The following TRAK1 variants were observed in gnomAD, a reference collection of about 807,000 sequenced individuals.
TRAK1 encodes trafficking kinesin protein 1.
A neutral mutation model predicts 92.1 loss-of-function variants in TRAK1; 33 were observed. That is an observed-to-expected ratio of 0.36 (90% CI 0.27 to 0.48). The LOEUF (loss-of-function observed/expected upper bound fraction) is 0.48. TRAK1 is among the 20% of genes least tolerant of loss of function. TRAK1 has a pLI of 0.99. For missense variants in TRAK1, 1,123 were observed against 1,257.9 expected (o/e 0.89, Z 1.62); for synonymous variants, 521 against 517.3 (o/e 1.01, Z -0.10).
At chr3:42,215,192 C>T (rs1467545221) in intron 14 of TRAK1, among the ~76,000 whole-genome samples, 1 of 152,196 alleles carries the variant, frequency 6.6e-6, no homozygotes, top group Non-Finnish European at 1.5e-5. Flanking sequence ...TTTAGAGCAT[C>T]TTCCATGCCC....
intron 1 of TRAK1, among the ~76,000 whole-genome samples, chr3:42,066,050 G>T (rs570405895): frequency 6.6e-6 from 1 of 152,298 alleles, no homozygotes; most frequent in African/African-American, 2.4e-5. Flanking sequence ...TTGAGGCTGG[G>T]TCCAGTGGCT....
At chr3:42,055,565 C>T (rs1341087510) in intron 1 of TRAK1, among the ~76,000 whole-genome samples, 1 of 152,208 alleles carries the variant, frequency 6.6e-6, no homozygotes, top group African/African-American at 2.4e-5. Context: ...TGGGCCCAGG[C>T]AATCCTCCCA....
intron 1 of TRAK1, among the ~76,000 whole-genome samples, chr3:42,112,380 A>G (rs1708551183): frequency 6.7e-6 from 1 of 148,786 alleles, no homozygotes. Flanking sequence ...GTGAGCCGAG[A>G]TTGCACCACT....
At chr3:42,148,789 C>G (rs1406161329) in intron 2 of TRAK1, among the ~76,000 whole-genome samples, 1 of 152,120 alleles carries the variant, frequency 6.6e-6, no homozygotes, top group Non-Finnish European at 1.5e-5. Flanking sequence ...TTTACATTTC[C>G]TTTAAGTGGT....
upstream of TRAK1, among the ~76,000 whole-genome samples, chr3:42,082,677 C>A (rs1435337159): frequency 6.6e-6 from 1 of 151,228 alleles, no homozygotes; most frequent in African/African-American, 2.4e-5. Flanking sequence ...ACACAAAAAA[C>A]CAAAATCATA....
At chr3:42,212,165 A>G (rs1337486450) in intron 14 of TRAK1, 1 of 985,446 alleles carries the variant, frequency 1.0e-6, no homozygotes, top group Non-Finnish European at 1.2e-6. Context: ...GCCTGCAATC[A>G]TGGAGACACA....
upstream of TRAK1, among the ~76,000 whole-genome samples, chr3:42,085,089 CATTTCAG>C (rs1444931456): frequency 6.6e-6 from 1 of 152,042 alleles, no homozygotes; most frequent in African/African-American, 2.4e-5. Context: ...CTCATTGGAG[CATTTCAG>C]ATTTCAGATT....
At position 42,063,852 on chromosome 3, in the gene TRAK1, G is replaced by A. The variant is rs531044025; in HGVS notation, c.-518-23252G>A. ...CTGTAACCTTTCCCCTTGAATCTGC[G>A]TTGGCCCGGTGATGTATTTTGACCA... On this transcript the variant is annotated intron_variant, in intron 1 of 16. Coordinates refer to the TRAK1 transcript ENST00000487159. Among the ~76,000 whole-genome samples, 30 of 152,262 alleles carry A rather than the reference G, an allele frequency of 2.0e-4. No homozygotes were observed. In the East Asian group the frequency reaches 2.1e-3, roughly 11 times the overall value.
At chr3:42,043,616 G>GGC (rs1491345809) in intron 1 of TRAK1, among the ~76,000 whole-genome samples, 1 of 109,736 alleles carries the variant, frequency 9.1e-6, no homozygotes, top group African/African-American at 3.8e-5. Flanking sequence ...CCATGGAGCT[G>GGC]GGGGGGGGGC....
chr3:42,076,428 G>A (rs1704163309), intron 1 of TRAK1, among the ~76,000 whole-genome samples: 1 of 151,604 alleles, frequency 6.6e-6, no homozygotes, highest in African/African-American at 2.4e-5. Flanking sequence ...GTTTCACCAT[G>A]TTGGCCAGGC....
At chr3:42,101,414 A>C (rs758738135) in intron 1 of TRAK1, among the ~76,000 whole-genome samples, 5 of 152,248 alleles carry the variant, frequency 3.3e-5, no homozygotes, top group Non-Finnish European at 7.3e-5. Flanking sequence ...CTTAGGTGAC[A>C]GGAGTGGCAC....
intron 13 of TRAK1, chr3:42,204,043 A>C: frequency 1.0e-6 from 1 of 984,956 alleles, no homozygotes; most frequent in Non-Finnish European, 1.2e-6. Flanking sequence ...TATTATTTTA[A>C]AATTGTATAA....
chr3:42,072,838 A>T (rs1374098532), intron 1 of TRAK1, among the ~76,000 whole-genome samples: 1 of 152,168 alleles, frequency 6.6e-6, no homozygotes, highest in Non-Finnish European at 1.5e-5. Context: ...CTGGAACTAA[A>T]TTGGGTCAGA....
intron 14 of TRAK1, chr3:42,211,611 A>C: frequency 1.0e-6 from 1 of 985,370 alleles, no homozygotes; most frequent in Non-Finnish European, 1.2e-6. Flanking sequence ...TTACAGGTAG[A>C]ATAGAAGGTG....
In TRAK1 at chr3:42,202,011, A is replaced by G. The variant is rs1707700303; in HGVS notation, c.1428-425A>G. On this transcript the variant is annotated intron_variant, in intron 12 of 15. Transcript: ENST00000327628. This position sits in a 1 kb window ranked among gnomAD's most constrained non-coding sequence, Gnocchi z 6.1. ...GACCAGTTGGAACAGACAGACAGGA[A>G]GCTCCTTGATCAGAGCAGGTTTTGT... Among the ~76,000 whole-genome samples, 1 of 152,096 alleles carries G rather than the reference A, an allele frequency of 6.6e-6. No individual in the cohort carries two copies. Among genetic ancestry groups the G allele is most frequent in the Admixed American group, 6.5e-5 (1 of 15,272 alleles).
intron 11 of TRAK1, among the ~76,000 whole-genome samples, chr3:42,199,849 C>CT (rs1232185451): frequency 6.6e-6 from 1 of 152,240 alleles, no homozygotes; most frequent in Non-Finnish European, 1.5e-5. Flanking sequence ...TTTCCCATCT[C>CT]TCTTAACACA....
chr3:42,206,149 T>A (rs1708310322), intron 13 of TRAK1, among the ~76,000 whole-genome samples: 1 of 152,212 alleles, frequency 6.6e-6, no homozygotes, highest in South Asian at 2.1e-4. Context: ...TACCTTCTTA[T>A]GTCAAAGGAA....
At chr3:42,027,997 C>T (rs1456989877) in intron 1 of TRAK1, among the ~76,000 whole-genome samples, 4 of 152,078 alleles carry the variant, frequency 2.6e-5, no homozygotes, top group African/African-American at 9.7e-5. Context: ...TTATAGGCGC[C>T]AGCTATCATG....
intron 3 of TRAK1, among the ~76,000 whole-genome samples, chr3:42,182,865 A>G (rs1248856853): frequency 2.0e-5 from 3 of 152,246 alleles, no homozygotes; most frequent in Non-Finnish European, 2.9e-5. Flanking sequence ...TTTTCTCTTT[A>G]TTCTAAAACT....
Sources: gnomAD v4.1 joint callset for allele counts (sites outside exome capture counted in the v4.1 genomes callset) on GRCh38, gnomAD v4.1.1 for gene constraint, Gnocchi (gnomAD v3.1) non-coding constraint, MANE v1.5 for transcripts, NCBI Gene and HGNC (gene_info 2026-07-23, HGNC 2026-07-21) for gene names.